Variants in RNF130 observed in about 807,000 individuals in gnomAD.
The protein encoded by RNF130 is E3 ubiquitin-protein ligase RNF130.
In RNF130, 21 loss-of-function variants were observed where a neutral mutation model predicts 44.6. The observed-to-expected ratio is 0.47, with a 90% CI of 0.33 to 0.68. The LOEUF is 0.68. Among genes scored for constraint, RNF130 ranks in the 30% least tolerant of loss-of-function variants. The probability of loss-of-function intolerance (pLI) is 0.02; values close to 1 mark genes in which losing one functional copy is unlikely to be tolerated. For synonymous variants in RNF130, 214 were observed against 210.4 expected, an observed-to-expected ratio of 1.02 and a Z score of -0.15; for missense variants, 479 against 560.6, an observed-to-expected ratio of 0.85 and a Z score of 1.47.
rs952962397 is a variant in RNF130, at chr5:179,978,198, C to T, written c.848+5G>A. 2.5e-6 allele frequency: 4 copies of T among 1,604,762 alleles called. No homozygotes were observed. The highest frequency in any genetic ancestry group is 3.4e-6 in the Non-Finnish European group (4 of 1,171,546). On this transcript the variant is annotated splice_donor_5th_base_variant and intron_variant, in intron 5 of 8. Coordinates refer to ENST00000521389, the MANE Select transcript of RNF130 (RefSeq NM_018434.6). Reference sequence around the variant, plus strand: ...TTCTTTCTCAAACAAATGAAGTTGACATACTTGCAGGGGAGAATTCGGACG... The same window carrying T: ...TTCTTTCTCAAACAAATGAAGTTGATATACTTGCAGGGGAGAATTCGGACG...
chr5:179,956,077 A>C (rs1202037050), intron 8 of RNF130: 2 of 160,952 alleles, frequency 1.2e-5, no homozygotes, highest in Non-Finnish European at 2.7e-5. Flanking sequence ...CTTATTTTGA[A>C]GTGATAGGGA....
At chr5:179,944,394 A>G (rs2113684555) in intron 7 of RNF130, among the ~76,000 whole-genome samples, 2 of 152,356 alleles carry the variant, frequency 1.3e-5, no homozygotes, top group South Asian at 4.1e-4. Context: ...TAATTGACTT[A>G]ACAATTATGT....
At chr5:179,930,224 A>G (rs1761788231) in intron 7 of RNF130, among the ~76,000 whole-genome samples, 1 of 151,732 alleles carries the variant, frequency 6.6e-6, no homozygotes, top group Non-Finnish European at 1.5e-5. Context: ...CACCCGGCTA[A>G]TTTTTGTATT....
chr5:179,968,876 G>T (rs1762515664), intron 6 of RNF130, among the ~76,000 whole-genome samples: 1 of 152,086 alleles, frequency 6.6e-6, no homozygotes, highest in South Asian at 2.1e-4. Context: ...GCACAGGACA[G>T]CCCCCACAAG....
Position 180,071,519 on chromosome 5 carries a change from C to G in RNF130, c.184G>C (p.Gly62Arg). 7.4e-7 allele frequency: 1 copy of G among 1,359,234 alleles called. No homozygotes were observed. Among genetic ancestry groups the G allele is most frequent in the East Asian group, 2.9e-5 (1 of 34,600 alleles). 84.2% of individuals were successfully genotyped at this position (1,359,234 alleles called of 1,614,324 possible). A position where few individuals can be genotyped will look rare whatever the true frequency, so the allele number is the denominator to read the frequency against. ...LTFRIDRGRYGLDSPKAEVRG... is the reference protein window; with the variant it reads ...LTFRIDRGRYRLDSPKAEVRG... Reference sequence around the variant, plus strand: ...ACCTCGGCCTTGGGGGAGTCAAGCCCGTAGCGCCCGCGGTCGATGCGAAAC... The same window carrying G: ...ACCTCGGCCTTGGGGGAGTCAAGCCGGTAGCGCCCGCGGTCGATGCGAAAC... Residue 62 changes from glycine to arginine, a missense_variant, in exon 1 of 9, where the codon GGG (glycine) becomes CGG (arginine). By Grantham distance (125) the Gly-to-Arg change is moderately radical. Transcript: ENST00000521389.
At chr5:180,043,553 G>A (rs892028925) in intron 1 of RNF130, among the ~76,000 whole-genome samples, 4 of 151,438 alleles carry the variant, frequency 2.6e-5, no homozygotes, top group African/African-American at 7.3e-5. Context: ...TACCTCTTTC[G>A]ACAGTGTCAC....
intron 4 of RNF130, among the ~76,000 whole-genome samples, chr5:179,979,440 G>A (rs1762782492): frequency 6.6e-6 from 1 of 151,962 alleles, no homozygotes; most frequent in Non-Finnish European, 1.5e-5. Flanking sequence ...CCAGGCACAA[G>A]TCTGTGCTTA....
At chr5:180,070,770 A>G (rs1164607822) in intron 1 of RNF130, among the ~76,000 whole-genome samples, 1 of 152,246 alleles carries the variant, frequency 6.6e-6, no homozygotes, top group African/African-American at 2.4e-5. Context: ...GGAAAACATG[A>G]CATTAAGCCG....
At chr5:180,027,865 G>A (rs1030164739) in intron 2 of RNF130, among the ~76,000 whole-genome samples, 8 of 152,202 alleles carry the variant, frequency 5.3e-5, no homozygotes, top group Admixed American at 2.0e-4. Flanking sequence ...CCGGCTGCCC[G>A]GCTCTGTGGC....
rs1761613506 is a variant in RNF130 at position 179,920,524 on chromosome 5, C to T, written c.1151-98G>A. 5 of 641,206 alleles carry T rather than the reference C, an allele frequency of 7.8e-6. No homozygotes were observed. In the Admixed American group the frequency reaches 9.5e-5, roughly 12 times the overall value. The allele number at this position is 641,206 out of a possible 1,614,324, so 39.7% of individuals were successfully genotyped here. On this transcript the variant is annotated intron_variant, in intron 7 of 7. Transcript: ENST00000522208. ...AATGCAGATTATCTTTGAAGCATGA[C>T]ATTTTCTTAACTATCCTTCATAAGG...
intron 2 of RNF130, among the ~76,000 whole-genome samples, chr5:180,015,876 A>G (rs1304973409): frequency 6.6e-6 from 1 of 152,210 alleles, no homozygotes; most frequent in African/African-American, 2.4e-5. Context: ...GCTGTTTGGG[A>G]AAAGAAGTGT....
chr5:180,007,395 A>C lies in RNF130; in HGVS notation c.693+5666T>G, dbSNP rs746349247. Among the ~76,000 whole-genome samples the C allele has an allele frequency of 1.6e-4, 24 of 152,264 alleles. 1 individual carries two copies. The highest frequency in any genetic ancestry group is 3.4e-3 in the Middle Eastern group (1 of 294). On this transcript the variant is annotated intron_variant, in intron 3 of 8. Coordinates refer to ENST00000521389, the MANE Select transcript of RNF130 (RefSeq NM_018434.6). ...CAGCCTGGGTGACAGAGTGAGACCC[A>C]GTCTCAAAAAACAAAAACAAAAACA...
intron 3 of RNF130, among the ~76,000 whole-genome samples, chr5:179,982,209 T>G (rs926241186): frequency 1.3e-5 from 2 of 151,610 alleles, no homozygotes; most frequent in Non-Finnish European, 2.9e-5. Flanking sequence ...TTAAGCCACC[T>G]TGGTGCATGT....
intron 7 of RNF130, among the ~76,000 whole-genome samples, chr5:179,925,275 G>A (rs908382440): frequency 1.6e-5 from 2 of 124,650 alleles, no homozygotes; most frequent in East Asian, 4.0e-4. Context: ...TAAGTTGATC[G>A]CCCATGGCCA....
At chr5:179,992,149 CT>C (rs1763096923) in intron 3 of RNF130, among the ~76,000 whole-genome samples, 1 of 152,004 alleles carries the variant, frequency 6.6e-6, no homozygotes, top group Admixed American at 6.6e-5. Context: ...TTGTTTTTTG[CT>C]TTTTGTTTTG....
rs749484134 is a variant in RNF130 at position 180,071,539 on chromosome 5, C to T, written c.164G>A (p.Arg55His). The T allele has an allele frequency of 2.1e-6, 3 of 1,401,850 alleles. No individual in the cohort carries two copies. The highest frequency in any genetic ancestry group is 2.8e-6 in the Non-Finnish European group (3 of 1,069,434). The allele number at this position is 1,401,850 out of a possible 1,614,324, so 86.8% of individuals were successfully genotyped here. A position where few individuals can be genotyped will look rare whatever the true frequency, so the allele number is the denominator to read the frequency against. Residue 55 changes from arginine (R) to histidine (H), a missense_variant, in exon 1 of 9, where the codon CGC (arginine) becomes CAC (histidine). This residue lies in a region of RNF130 where 138 missense variants were observed against 126.9 expected (regional missense o/e 1.09). Transcript: ENST00000521389. ...AAGCCCGTAGCGCCCGCGGTCGATG[C>T]GAAACGTGAGCGGGGCGCCGCGGCC... ...EPGRGAPLTF[R>H]IDRGRYGLDS...
chr5:179,973,313 C>T (rs146260242), intron 5 of RNF130, among the ~76,000 whole-genome samples: 6 of 152,296 alleles, frequency 3.9e-5, no homozygotes, highest in African/African-American at 1.2e-4. Flanking sequence ...CAGGCAGCTG[C>T]CCTGAACACG....
intron 8 of RNF130, among the ~76,000 whole-genome samples, chr5:179,959,006 G>A (rs1418857591): frequency 6.6e-6 from 1 of 152,236 alleles, no homozygotes; most frequent in Non-Finnish European, 1.5e-5. Context: ...ATATCAAGTG[G>A]AAATCTGCCT....
chr5:179,928,356 G>GT (rs569173452), intron 7 of RNF130, among the ~76,000 whole-genome samples: 1,456 of 144,784 alleles, frequency 0.01, 6 homozygotes, highest in East Asian at 0.05. Flanking sequence ...TGGATATTTT[G>GT]TTTTTTTTTT....
Sources: gnomAD v4.1 joint callset for allele counts (sites outside exome capture counted in the v4.1 genomes callset) on GRCh38, gnomAD v4.1.1 for gene constraint, gnomAD v4.1.1 regional missense constraint, MANE v1.5 for transcripts, NCBI Gene and HGNC (gene_info 2026-07-23, HGNC 2026-07-21) for gene names.